The following FMNL2 variants were observed in gnomAD, a reference collection of about 807,000 sequenced individuals.
FMNL2 encodes the protein formin like 2, also known as formin-like protein 2.
Under a neutral mutation model 130.2 loss-of-function variants are expected in FMNL2, and 51 were observed. The ratio of observed to expected loss-of-function variants is 0.39; its 90% CI spans 0.31 to 0.49. The LOEUF is 0.49. FMNL2 is among the 20% of genes least tolerant of loss of function. The pLI is 0.85. For missense variants in FMNL2, 977 were observed against 1,316.2 expected (o/e 0.74, Z 3.99); for synonymous variants, 465 against 467.1 (o/e 1.00, Z 0.06).
In FMNL2 at chr2:152,649,767, A is replaced by G. The variant is rs1287625276; in HGVS notation, c.*1862A>G. 4 of 152,776 alleles carry G rather than the reference A, an allele frequency of 2.6e-5. No homozygotes were observed. In the East Asian group the frequency reaches 7.7e-4, roughly 29 times the overall value. 9.5% of individuals were successfully genotyped at this position (152,776 alleles called of 1,614,324 possible). ...TTAGAATGTTTTATAAAAGCAATTC[A>G]TGTTACTTTTCTGGTCTTTTCATGG... is the stretch of plus-strand genomic sequence containing the variant. On this transcript the variant is annotated 3_prime_UTR_variant, in exon 26 of 26. Transcript: ENST00000288670.
intron 1 of FMNL2, among the ~76,000 whole-genome samples, chr2:152,465,581 C>T (rs777924758): frequency 6.6e-6 from 1 of 152,180 alleles, no homozygotes; most frequent in Non-Finnish European, 1.5e-5. Context: ...TTTAAGGATA[C>T]ATTGCACTTA....
chr2:152,569,752 G>C (rs1424126334), intron 6 of FMNL2, among the ~76,000 whole-genome samples: 4 of 150,566 alleles, frequency 2.7e-5, no homozygotes. Flanking sequence ...GCTCACATCT[G>C]TAATCTCAGC....
intron 1 of FMNL2, among the ~76,000 whole-genome samples, chr2:152,498,382 G>T (rs888038226): frequency 6.6e-6 from 1 of 151,930 alleles, no homozygotes; most frequent in Admixed American, 6.5e-5. Context: ...TGGCAGTTAG[G>T]GTTTGAATTT....
intron 21 of FMNL2, among the ~76,000 whole-genome samples, chr2:152,636,133 C>T (rs184141254): frequency 5.9e-5 from 9 of 152,296 alleles, no homozygotes; most frequent in Admixed American, 5.9e-4. Context: ...ACCTGAACTC[C>T]TCTGCCACCT....
intron 1 of FMNL2, among the ~76,000 whole-genome samples, chr2:152,455,393 G>A (rs1194630137): frequency 6.6e-6 from 1 of 152,154 alleles, no homozygotes; most frequent in Non-Finnish European, 1.5e-5. Context: ...TCAACAGAAT[G>A]AGGAAAGGCA....
At chr2:152,530,516 A>G (rs150324603) in intron 2 of FMNL2, among the ~76,000 whole-genome samples, 19 of 152,328 alleles carry the variant, frequency 1.2e-4, no homozygotes, top group African/African-American at 4.3e-4. Context: ...TAGCTTCTCC[A>G]CCATCAAGCA....
At chr2:152,391,452 G>A (rs1395393309) in intron 1 of FMNL2, among the ~76,000 whole-genome samples, 1 of 152,120 alleles carries the variant, frequency 6.6e-6, no homozygotes, top group East Asian at 1.9e-4. Context: ...GGGAGGAGTG[G>A]AGTTCACCAG....
At chr2:152,335,752 C>T in intron 1 of FMNL2, 32 bp downstream of exon 1, 1 of 1,489,816 alleles carries the variant, frequency 6.7e-7, no homozygotes. Context: ...GGCGCGGGGA[C>T]CCGGGGCCCC....
At chr2:152,429,124 C>T (rs1398516527) in intron 1 of FMNL2, among the ~76,000 whole-genome samples, 1 of 150,544 alleles carries the variant, frequency 6.6e-6, no homozygotes, top group Non-Finnish European at 1.5e-5. Flanking sequence ...AGCAAATCAC[C>T]GTGTTTACCT....
intron 15 of FMNL2, among the ~76,000 whole-genome samples, chr2:152,621,926 C>CA (rs1470162226): frequency 6.6e-6 from 1 of 152,164 alleles, no homozygotes; most frequent in Non-Finnish European, 1.5e-5. Flanking sequence ...CCACAGGCAA[C>CA]ACGAGGGTCT....
chr2:152,449,905 A>G (rs1395723203), intron 1 of FMNL2, among the ~76,000 whole-genome samples: 1 of 152,208 alleles, frequency 6.6e-6, no homozygotes, highest in Non-Finnish European at 1.5e-5. Flanking sequence ...ACCTTTATAC[A>G]TTCCATCCTA....
At chr2:152,489,011 C>T (rs1690993364) in intron 1 of FMNL2, among the ~76,000 whole-genome samples, 1 of 152,166 alleles carries the variant, frequency 6.6e-6, no homozygotes, top group Non-Finnish European at 1.5e-5. Context: ...GTTGAGGCTG[C>T]AGTGAGCCAC....
At chr2:152,360,190 TCTTA>T (rs1313385627) in intron 1 of FMNL2, among the ~76,000 whole-genome samples, 3 of 152,354 alleles carry the variant, frequency 2.0e-5, no homozygotes, top group African/African-American at 7.2e-5. Flanking sequence ...TTCAGATGTA[TCTTA>T]CTTGTTGAAT....
chr2:152,478,958 CAAG>C (rs1004759478), intron 1 of FMNL2, among the ~76,000 whole-genome samples: 1 of 152,016 alleles, frequency 6.6e-6, no homozygotes, highest in Admixed American at 6.6e-5. Flanking sequence ...CCCACATTCT[CAAG>C]AAGAATAACA....
At chr2:152,392,666 G>A (rs1052171768) in intron 1 of FMNL2, among the ~76,000 whole-genome samples, 1 of 152,132 alleles carries the variant, frequency 6.6e-6, no homozygotes, top group African/African-American at 2.4e-5. Flanking sequence ...AGCCATCATG[G>A]CTTAATCACC....
intron 23 of FMNL2, among the ~76,000 whole-genome samples, chr2:152,638,664 AAC>A (rs1040187780): frequency 2.6e-5 from 4 of 152,186 alleles, no homozygotes; most frequent in African/African-American, 7.2e-5. Flanking sequence ...GGTGAACAGA[AAC>A]ACAGCACAAA....
Position 152,343,834 on chromosome 2 carries a change from A to G in FMNL2, c.117+8114A>G, listed in dbSNP as rs150895572. Among the ~76,000 whole-genome samples, 315 of 45,436 alleles carry G rather than the reference A, an allele frequency of 6.9e-3. 1 individual carries two copies. Among genetic ancestry groups the G allele is most frequent in the African/African-American group, 0.013 (305 of 24,302 alleles). 29.8% of individuals were successfully genotyped at this position (45,436 alleles called of 152,430 possible). A position where few individuals can be genotyped will look rare whatever the true frequency, so the allele number is the denominator to read the frequency against. On this transcript the variant is annotated intron_variant, in intron 1 of 25. Coordinates refer to ENST00000288670, the MANE Select transcript of FMNL2 (RefSeq NM_052905.4). ...TAGTGGTTCTCAAACTTGGTTGTGC[A>G]TTGACATCACTTGGCGATCCTCAGA...
intron 1 of FMNL2, among the ~76,000 whole-genome samples, chr2:152,470,164 A>G (rs1367074379): frequency 6.6e-6 from 1 of 152,150 alleles, no homozygotes; most frequent in Non-Finnish European, 1.5e-5. Context: ...AAAGGTGGCT[A>G]TTTTAGAGGT....
At chr2:152,599,117 G>A (rs192988210) in intron 9 of FMNL2, among the ~76,000 whole-genome samples, 6 of 152,158 alleles carry the variant, frequency 3.9e-5, no homozygotes, top group Non-Finnish European at 8.8e-5. Flanking sequence ...GATTGGAGAC[G>A]CCCAGCCACA....
Sources: allele counts gnomAD v4.1 joint callset (sites outside exome capture counted in the v4.1 genomes callset), GRCh38; gene constraint gnomAD v4.1.1; transcripts MANE v1.5; gene names NCBI Gene and HGNC (gene_info 2026-07-23, HGNC 2026-07-21).